The following LHPP variants were observed in gnomAD, a reference collection of about 807,000 sequenced individuals.
The protein encoded by LHPP is hLHPP.
Under a neutral mutation model 30.3 loss-of-function variants are expected in LHPP, and 24 were observed. The ratio of observed to expected loss-of-function variants is 0.79; its 90% CI spans 0.57 to 1.11. LHPP has a LOEUF of 1.11. Among genes scored for constraint, LHPP ranks in the 50% most tolerant of loss-of-function variants. LHPP has a pLI of 0.00. For missense variants in LHPP, 356 were observed against 367.2 expected, an observed-to-expected ratio of 0.97 and a Z score of 0.25; for synonymous variants, 150 against 157.1, an observed-to-expected ratio of 0.95 and a Z score of 0.34.
Position 124,590,033 on chromosome 10 carries a change from G to A in LHPP, c.717-23231G>A, listed in dbSNP as rs972423301. ...CCATCCCACCACTCCACCGCCCCCC[G>A]CCCTTAGAAAAATAAATGCGTGATT... On this transcript the variant is annotated intron_variant, in intron 6 of 6. Transcript: ENST00000368842. This position sits in a 1 kb window ranked among gnomAD's most constrained non-coding sequence, Gnocchi z 4.3. Among the ~76,000 whole-genome samples the A allele has an allele frequency of 6.6e-6, 1 of 151,736 alleles. No individual in the cohort carries two copies. Among genetic ancestry groups the A allele is most frequent in the Non-Finnish European group, 1.5e-5 (1 of 67,940 alleles).
intron 5 of LHPP, among the ~76,000 whole-genome samples, chr10:124,512,577 A>C (rs940924332): frequency 2.1e-5 from 3 of 144,446 alleles, no homozygotes; most frequent in African/African-American, 7.8e-5. Context: ...AGATCGCGCC[A>C]CTGCACTCCA....
chr10:124,613,394 CTGCCTCTCCTCCACCCCT>C lies in LHPP; in HGVS notation c.*35_*52del. 2 of 1,273,496 alleles carry C rather than the reference CTGCCTCTCCTCCACCCCT, an allele frequency of 1.6e-6. No homozygotes were observed. The highest frequency in any genetic ancestry group is 1.1e-6 in the Non-Finnish European group (1 of 887,704). The allele number at this position is 1,273,496 out of a possible 1,614,324, so 78.9% of individuals were successfully genotyped here. A position where few individuals can be genotyped will look rare whatever the true frequency, so the allele number is the denominator to read the frequency against. ...TGGGAGAGCCCCGCCTCCTCCACCC[CTGCCTCTCCTCCACCCCT>C]GCCTCCCCTCCACCCCTGCCTCTCC... On this transcript the variant is annotated 3_prime_UTR_variant, in exon 7 of 7. Coordinates refer to ENST00000368842, the MANE Select transcript of LHPP (RefSeq NM_022126.4).
rs554374908 is a variant in LHPP at position 124,511,642 on chromosome 10, C to T, written c.625-5538C>T. Among the ~76,000 whole-genome samples the T allele has an allele frequency of 3.9e-5, 6 of 152,258 alleles. No individual in the cohort carries two copies. In the South Asian group the frequency reaches 6.2e-4, roughly 16 times the overall value. On this transcript the variant is annotated intron_variant, in intron 5 of 6. Transcript: ENST00000368842. ...GCCTCTGCTTGACTATGATACATGT[C>T]GAGTCCATGCCGAGTGGCAGAAAAG... is the stretch of plus-strand genomic sequence containing the variant.
At chr10:124,473,392 G>A (rs75141918) in intron 1 of LHPP, among the ~76,000 whole-genome samples, 2,208 of 152,250 alleles carry the variant, frequency 0.015, 41 homozygotes, top group African/African-American at 0.049. Context: ...ACCTTTTGAG[G>A]GGGACTGAGG....
chr10:124,604,582 AC>A (rs1421927880), intron 6 of LHPP, among the ~76,000 whole-genome samples: 1 of 151,450 alleles, frequency 6.6e-6, no homozygotes, highest in African/African-American at 2.4e-5. Context: ...TCTAGAAATA[AC>A]CCCCCAGGCC....
chr10:124,606,823 A>G (rs1241530803), intron 6 of LHPP, among the ~76,000 whole-genome samples: 4 of 152,144 alleles, frequency 2.6e-5, no homozygotes, highest in African/African-American at 9.7e-5. Flanking sequence ...GCAGGCCCAC[A>G]TGGCCAGGAC....
intron 6 of LHPP, among the ~76,000 whole-genome samples, chr10:124,544,355 G>A (rs1224846145): frequency 4.6e-5 from 7 of 152,236 alleles, no homozygotes; most frequent in Admixed American, 2.0e-4. Context: ...GGCTGTGGGT[G>A]AGCCTGCCAG....
intron 5 of LHPP, among the ~76,000 whole-genome samples, chr10:124,512,695 T>C (rs1954335813): frequency 6.6e-6 from 1 of 151,948 alleles, no homozygotes; most frequent in African/African-American, 2.4e-5. Context: ...TAAGATGATT[T>C]CCTTTAAACG....
chr10:124,611,245 G>A (rs7905840), intron 6 of LHPP, among the ~76,000 whole-genome samples: 8,894 of 152,100 alleles, frequency 0.058, 509 homozygotes, highest in African/African-American at 0.15. Flanking sequence ...ATGTCCAGCA[G>A]TGGTGGAAGC....
chr10:124,570,714 A>G (rs1948571617), intron 6 of LHPP, among the ~76,000 whole-genome samples: 2 of 152,228 alleles, frequency 1.3e-5, no homozygotes, highest in Non-Finnish European at 2.9e-5. Flanking sequence ...AAATGGAATC[A>G]GACGATACAT....
At chr10:124,505,641 T>G (rs1954040276) in intron 5 of LHPP, among the ~76,000 whole-genome samples, 1 of 152,210 alleles carries the variant, frequency 6.6e-6, no homozygotes, top group African/African-American at 2.4e-5. Flanking sequence ...ATAACATACC[T>G]TAAAGGTTAC....
chr10:124,603,766 CCCTGGGCTGG>C (rs1281591273), intron 6 of LHPP, among the ~76,000 whole-genome samples: 1 of 152,184 alleles, frequency 6.6e-6, no homozygotes, highest in Non-Finnish European at 1.5e-5. Flanking sequence ...GCAGGAGGTG[CCCTGGGCTGG>C]AGGGTCCCCA....
chr10:124,462,091 A>C (rs1952416189), intron 1 of LHPP, 104 bp downstream of exon 1: 6 of 1,034,470 alleles, frequency 5.8e-6, no homozygotes, highest in Non-Finnish European at 7.2e-6. Context: ...GCCGCGGCGC[A>C]GGCCCCGCCT....
At chr10:124,591,207 G>A (rs905125614) in intron 6 of LHPP, among the ~76,000 whole-genome samples, 4 of 152,216 alleles carry the variant, frequency 2.6e-5, no homozygotes, top group Admixed American at 6.5e-5. Context: ...CATGTGTGTG[G>A]CTCCAGCCGG....
At chr10:124,609,275 A>G (rs1174145919) in intron 6 of LHPP, among the ~76,000 whole-genome samples, 3 of 152,174 alleles carry the variant, frequency 2.0e-5, no homozygotes, top group Non-Finnish European at 2.9e-5. Flanking sequence ...TGAGACTCTC[A>G]TCTGTCACCC....
intron 1 of LHPP, among the ~76,000 whole-genome samples, chr10:124,464,685 A>G (rs1952508136): frequency 6.6e-6 from 1 of 152,186 alleles, no homozygotes; most frequent in South Asian, 2.1e-4. Context: ...GGCTCTGGGC[A>G]GTGTTTTGGG....
Position 124,510,943 on chromosome 10 carries a change from C to T in LHPP, c.625-6237C>T, listed in dbSNP as rs1039714805. Among the ~76,000 whole-genome samples, 1 of 152,242 alleles carries T rather than the reference C, an allele frequency of 6.6e-6. No individual in the cohort carries two copies. The highest frequency in any genetic ancestry group is 6.5e-5 in the Admixed American group (1 of 15,294). ...CGGCCAGCCCTGGCTTTTCCCAACC[C>T]TCAGAGTGCCCCTTGTGCATGCAGC... On this transcript the variant is annotated intron_variant, in intron 5 of 6. Transcript: ENST00000368842. This position sits in a 1 kb window ranked among gnomAD's most constrained non-coding sequence, Gnocchi z 4.0.
intron 3 of LHPP, among the ~76,000 whole-genome samples, chr10:124,493,393 G>A (rs922502811): frequency 2.0e-5 from 3 of 152,208 alleles, no homozygotes; most frequent in Non-Finnish European, 2.9e-5. Context: ...GGGACACAGG[G>A]GCACAGGCTG....
At chr10:124,543,291 G>A (rs1438276634) in intron 6 of LHPP, among the ~76,000 whole-genome samples, 3 of 152,400 alleles carry the variant, frequency 2.0e-5, no homozygotes, top group East Asian at 1.9e-4. Context: ...TGGCCAACCT[G>A]AGGGTAGACA....
Sources: allele counts gnomAD v4.1 joint callset (sites outside exome capture counted in the v4.1 genomes callset), GRCh38; gene constraint gnomAD v4.1.1; non-coding constraint Gnocchi (gnomAD v3.1); transcripts MANE v1.5; gene names NCBI Gene and HGNC (gene_info 2026-07-23, HGNC 2026-07-21).